The following SERAC1 variants were observed in gnomAD, a reference collection of about 807,000 sequenced individuals.
The protein encoded by SERAC1 is protein SERAC1.
In SERAC1, 36 loss-of-function variants were observed where a neutral mutation model predicts 85.7. The observed-to-expected ratio is 0.42, with a 90% confidence interval of 0.32 to 0.55. The LOEUF (loss-of-function observed/expected upper bound fraction) is 0.55. Ranked by LOEUF, SERAC1 falls within the 20% of genes least tolerant of loss-of-function variation. The probability of loss-of-function intolerance (pLI) is 0.11; values close to 1 mark genes in which losing one functional copy is unlikely to be tolerated. For missense variants in SERAC1, 629 were observed against 796.2 expected (o/e 0.79, Z 2.53); for synonymous variants, 242 against 265.3 (o/e 0.91, Z 0.85).
intron 1 of SERAC1, chr6:158,166,195 G>A (rs1204159762): frequency 6.6e-6 from 1 of 152,146 alleles, no homozygotes; most frequent in African/African-American, 2.4e-5. Context: ...AATCCTGTCT[G>A]TATACCATAA....
intron 15 of SERAC1, 95 bp downstream of exon 15, chr6:158,114,694 A>AATGAGATAATACATTCAAGGAATATAAT: frequency 1.3e-6 from 2 of 1,580,294 alleles, no homozygotes; most frequent in Non-Finnish European, 8.6e-7. Flanking sequence ...CAAATTATAA[A>AATGAGATAATACATTCAAGGAATATAAT]ATGAGATAAT....
chr6:158,152,280 C>G (rs1785222923), intron 3 of SERAC1, among the ~76,000 whole-genome samples: 1 of 152,112 alleles, frequency 6.6e-6, no homozygotes, highest in Non-Finnish European at 1.5e-5. Context: ...CTCTGGGAGG[C>G]CGAGGCGGGC....
At chr6:158,166,671 C>T (rs1785604746) in intron 1 of SERAC1, among the ~76,000 whole-genome samples, 6 of 152,038 alleles carry the variant, frequency 3.9e-5, no homozygotes, top group Admixed American at 3.9e-4. Context: ...TCCAACAGAG[C>T]CTTACAATTT....
intron 7 of SERAC1, 152 bp downstream of exon 7, chr6:158,144,147 T>C (rs1784995230): frequency 1.6e-6 from 1 of 629,312 alleles, no homozygotes; most frequent in South Asian, 2.6e-5. Flanking sequence ...AATCTTTGTA[T>C]AAAAACTATG....
chr6:158,155,007 G>A (rs1365280726), intron 3 of SERAC1, among the ~76,000 whole-genome samples: 1 of 152,030 alleles, frequency 6.6e-6, no homozygotes, highest in South Asian at 2.1e-4. Flanking sequence ...CTGAGTGAGT[G>A]CCTGATTTAA....
intron 10 of SERAC1, among the ~76,000 whole-genome samples, chr6:158,127,310 C>G (rs1473449061): frequency 9.2e-3 from 28 of 3,034 alleles, no homozygotes; most frequent in Admixed American, 0.026. Context: ...TCTGCCCGGC[C>G]GCCCCTACTG....
intron 8 of SERAC1, among the ~76,000 whole-genome samples, chr6:158,138,582 C>A (rs144857107): frequency 6.6e-6 from 1 of 152,004 alleles, no homozygotes; most frequent in Admixed American, 6.6e-5. Flanking sequence ...TCAGGAGCTC[C>A]GACATGGGGG....
chr6:158,116,239 T>C lies in SERAC1; in HGVS notation c.1447A>G (p.Arg483Gly), dbSNP rs1448155124. Residue 483 changes from arginine to glycine, a missense_variant, in exon 14 of 17, where the codon AGA (arginine) becomes GGA (glycine). Physicochemically the swap from Arg to Gly is moderately radical, Grantham distance 125 (BLOSUM62 -2). Transcript: ENST00000647468. ...GGCCTATCCCCAACACCAGCAGCTC[T>C]GAGCTTCCTAAGAAGTTCGTTGCTT... ...FRSNELLRKL[R>G]AAGVGDRPVV... The C allele has an allele frequency of 3.1e-6, 5 of 1,614,058 alleles. No homozygotes were observed. Among genetic ancestry groups the C allele is most frequent in the Non-Finnish European group, 4.2e-6 (5 of 1,180,004 alleles).
At chr6:158,141,538 C>T (rs1562448853) in intron 8 of SERAC1, among the ~76,000 whole-genome samples, 1 of 152,082 alleles carries the variant, frequency 6.6e-6, no homozygotes, top group Non-Finnish European at 1.5e-5. Flanking sequence ...GTCTAGGAGC[C>T]CCCAGGGTCC....
At chr6:158,112,766 GTTCC>G (rs1784178533) in intron 16 of SERAC1, 1 of 148,228 alleles carries the variant, frequency 6.7e-6, no homozygotes, top group African/African-American at 2.5e-5. Context: ...TAAGAAAGGG[GTTCC>G]CAGAGATAAC....
chr6:158,117,262 G>A lies in SERAC1; in HGVS notation c.1403+465C>T, dbSNP rs1366436887. On this transcript the variant is annotated intron_variant, in intron 13 of 16. Coordinates refer to ENST00000647468, the MANE Select transcript of SERAC1 (RefSeq NM_032861.4). The surrounding 1 kb of genome is among the most constrained non-coding windows in gnomAD (Gnocchi z 4.3). ...AGACTGCACAGCAAATCAAAGGTAG[G>A]ATCCGGCTACTCTCAGTCCAGTAAC... The A allele has an allele frequency of 1.2e-5, 6 of 496,534 alleles. No individual in the cohort carries two copies. The highest frequency in any genetic ancestry group is 2.1e-5 in the Non-Finnish European group (6 of 280,244). 30.8% of individuals were successfully genotyped at this position (496,534 alleles called of 1,614,324 possible).
intron 7 of SERAC1, 86 bp downstream of exon 7, chr6:158,144,210 CTTT>C (rs1784996580): frequency 9.6e-7 from 1 of 1,042,826 alleles, no homozygotes; most frequent in Non-Finnish European, 1.4e-6. Context: ...CCAACAACTA[CTTT>C]TTTAAAGTGT....
chr6:158,132,297 G>T (rs919567755), intron 8 of SERAC1, among the ~76,000 whole-genome samples: 3 of 151,968 alleles, frequency 2.0e-5, no homozygotes, highest in African/African-American at 7.3e-5. Context: ...ATAATTTTTG[G>T]CCACTCTATA....
chr6:158,117,603 T>A lies in SERAC1; in HGVS notation c.1403+124A>T. ...AGAAGGAAGACAAAAAAGATTAGGT[T>A]TGTTCTTCATAAGAAAATCCTGTCT... On this transcript the variant is annotated intron_variant, in intron 13 of 16. Coordinates refer to ENST00000647468, the MANE Select transcript of SERAC1 (RefSeq NM_032861.4). The surrounding 1 kb of genome is among the most constrained non-coding windows in gnomAD (Gnocchi z 4.3). 1 of 1,561,904 alleles carries A rather than the reference T, an allele frequency of 6.4e-7. No homozygotes were observed. The highest frequency in any genetic ancestry group is 8.7e-7 in the Non-Finnish European group (1 of 1,151,482).
intron 3 of SERAC1, chr6:158,152,924 C>T (rs1378373181): frequency 1.3e-5 from 2 of 152,066 alleles, no homozygotes; most frequent in East Asian, 3.9e-4. Context: ...CAGAATGTAT[C>T]GCCATTATTG....
chr6:158,115,045 G>A, intron 14 of SERAC1, 74 bp from the exon 15 acceptor site: 1 of 1,449,470 alleles, frequency 6.9e-7, no homozygotes, highest in Non-Finnish European at 9.3e-7. Flanking sequence ...AAAAGAAAAG[G>A]CCAAACAAGA....
At chr6:158,143,722 A>G (rs1258776090) in intron 7 of SERAC1, among the ~76,000 whole-genome samples, 1 of 152,070 alleles carries the variant, frequency 6.6e-6, no homozygotes, top group Non-Finnish European at 1.5e-5. Context: ...AAAAGCTGCT[A>G]ACACAGAAGT....
At chr6:158,118,618 C>CA (rs576637812) in intron 12 of SERAC1, among the ~76,000 whole-genome samples, 40,671 of 90,076 alleles carry the variant, frequency 0.45, 7,547 homozygotes, top group African/African-American at 0.5. Context: ...ACCCTCATCT[C>CA]AAAAAAAAAA....
Position 158,117,668 on chromosome 6 carries a change from A to G in SERAC1, c.1403+59T>C. 1 of 1,611,550 alleles carries G rather than the reference A, an allele frequency of 6.2e-7. No homozygotes were observed. Among genetic ancestry groups the G allele is most frequent in the South Asian group, 1.1e-5 (1 of 90,912 alleles). ...TTAAAATCACTTCCCATCCAAGAGG[A>G]CCTAAACTTGCGGCCTGAATTCTTC... On this transcript the variant is annotated intron_variant, in intron 13 of 16. Coordinates refer to ENST00000647468, the MANE Select transcript of SERAC1 (RefSeq NM_032861.4). This position sits in a 1 kb window ranked among gnomAD's most constrained non-coding sequence, Gnocchi z 4.3.
Sources: gnomAD v4.1 joint callset for allele counts (sites outside exome capture counted in the v4.1 genomes callset) on GRCh38, gnomAD v4.1.1 for gene constraint, Gnocchi (gnomAD v3.1) non-coding constraint, MANE v1.5 for transcripts, NCBI Gene and HGNC (gene_info 2026-07-23, HGNC 2026-07-21) for gene names.